Variants in CLPB observed in about 807,000 individuals in gnomAD.
The protein encoded by CLPB is mitochondrial disaggregase.
CLPB carries 40 observed loss-of-function variants against 78.4 expected under a neutral mutation model. That is an observed-to-expected ratio of 0.51 (90% CI 0.40 to 0.66). CLPB has a LOEUF of 0.66. Among genes scored for constraint, CLPB ranks in the 30% least tolerant of loss-of-function variants. CLPB has a pLI of 0.00. For synonymous variants in CLPB, 333 were observed against 348.0 expected (o/e 0.96, Z 0.48); for missense variants, 780 against 886.9 (o/e 0.88, Z 1.53).
At chr11:72,399,013 A>G (rs1855488992) in intron 3 of CLPB, among the ~76,000 whole-genome samples, 1 of 151,876 alleles carries the variant, frequency 6.6e-6, no homozygotes, top group African/African-American at 2.4e-5. Context: ...GACACCACAG[A>G]GTTTTTAAAT....
intron 10 of CLPB, 140 bp downstream of exon 10, chr11:72,302,164 G>C: frequency 3.0e-6 from 3 of 1,000,530 alleles, no homozygotes; most frequent in East Asian, 2.5e-5. Context: ...AAACAAATCA[G>C]TGACCCTGCT....
chr11:72,362,183 G>A (rs576455956), intron 4 of CLPB, among the ~76,000 whole-genome samples: 15 of 152,168 alleles, frequency 9.9e-5, no homozygotes, highest in African/African-American at 3.6e-4. Flanking sequence ...CCAATACAGC[G>A]CTAGGCCTCT....
intron 2 of CLPB, among the ~76,000 whole-genome samples, chr11:72,427,820 G>A (rs1335806365): frequency 6.6e-6 from 1 of 152,200 alleles, no homozygotes; most frequent in African/African-American, 2.4e-5. Flanking sequence ...ATGACTGTAT[G>A]TGTAAATTCA....
In CLPB at chr11:72,290,190, C is replaced by G. The variant is rs1949434815; in HGVS notation, c.*3177G>C. Reference sequence around the variant, plus strand: ...AGGAAGCCTGAAACATCTTGTGGTGCCAGAAAATGCTTAAAAAGTGACAGG... The same window carrying G: ...AGGAAGCCTGAAACATCTTGTGGTGGCAGAAAATGCTTAAAAAGTGACAGG... On this transcript the variant is annotated 3_prime_UTR_variant, in exon 16 of 16. Transcript: ENST00000538039. 2 of 152,102 alleles carry G rather than the reference C, an allele frequency of 1.3e-5. No homozygotes were observed. The highest frequency in any genetic ancestry group is 2.9e-5 in the Non-Finnish European group (2 of 68,012). 9.4% of individuals were successfully genotyped at this position (152,102 alleles called of 1,614,324 possible). A position where few individuals can be genotyped will look rare whatever the true frequency, so the allele number is the denominator to read the frequency against.
rs199805574 is a variant in CLPB, at chr11:72,329,695, C to T, written c.873+12G>A. Reference sequence around the variant, plus strand: ...GAGTACCCACAGGCCTCCTCCCTTCCCTGAGACTTACCTTGGCTTCAGAAG... The same window carrying T: ...GAGTACCCACAGGCCTCCTCCCTTCTCTGAGACTTACCTTGGCTTCAGAAG... On this transcript the variant is annotated intron_variant, in intron 6 of 15. Transcript: ENST00000538039. 50 of 1,601,154 alleles carry T rather than the reference C, an allele frequency of 3.1e-5. No individual in the cohort carries two copies. Among genetic ancestry groups the T allele is most frequent in the Non-Finnish European group, 4.2e-5 (49 of 1,168,508 alleles).
At chr11:72,400,657 A>G (rs540243389) in intron 3 of CLPB, among the ~76,000 whole-genome samples, 8 of 152,356 alleles carry the variant, frequency 5.3e-5, no homozygotes, top group African/African-American at 1.9e-4. Context: ...AAGCTGGGGG[A>G]AAAGACTGGT....
At chr11:72,389,122 G>A (rs1372846765) in intron 3 of CLPB, among the ~76,000 whole-genome samples, 1 of 152,216 alleles carries the variant, frequency 6.6e-6, no homozygotes, top group Non-Finnish European at 1.5e-5. Flanking sequence ...AAAAGCAGCA[G>A]CATCCAGGAG....
At chr11:72,388,674 A>G (rs1351769934) in intron 3 of CLPB, among the ~76,000 whole-genome samples, 1 of 152,188 alleles carries the variant, frequency 6.6e-6, no homozygotes, top group Non-Finnish European at 1.5e-5. Context: ...TATGGCCAGT[A>G]GGTTTTTTGT....
In CLPB at chr11:72,329,784, T is replaced by G. The variant is rs947202230; in HGVS notation, c.796A>C (p.Asn266His). The change falls in exon 6 of 16, where the codon AAT (asparagine) becomes CAT (histidine). Residue 266 changes from asparagine (N) to histidine (H), a missense_variant. By Grantham distance (68) the Asn-to-His change is moderately conservative. Transcript: ENST00000538039. ...TCCAAGGGTGTGTGTCCCATTTCAT[T>G]CCTCTGCAGGGGGTTGGCTCCTGGC... The part of the protein sequence containing the change: ...LDGGANPLQR[N>H]EMGHTPLDYA... The G allele has an allele frequency of 1.2e-6, 2 of 1,613,744 alleles. No individual in the cohort carries two copies. The highest frequency in any genetic ancestry group is 1.7e-6 in the Non-Finnish European group (2 of 1,179,880).
At position 72,327,115 on chromosome 11, in the gene CLPB, C is replaced by T. The variant is rs145061321; in HGVS notation, c.873+2592G>A. Among the ~76,000 whole-genome samples the T allele has an allele frequency of 4.9e-4, 75 of 152,340 alleles. 2 individuals are homozygous for T. The South Asian group carries it at 0.012, about 25-fold the overall frequency. On this transcript the variant is annotated intron_variant, in intron 6 of 15. Coordinates refer to ENST00000538039, the MANE Select transcript of CLPB (RefSeq NM_001258392.3). ...GAGAGCTAGGGAATCCCTGGACTGGCTCCAAGTGGTCTTCTTAGCCTCTAA... is the reference window on the plus strand; with the variant it reads ...GAGAGCTAGGGAATCCCTGGACTGGTTCCAAGTGGTCTTCTTAGCCTCTAA...
chr11:72,346,021 GA>G (rs59686118), intron 5 of CLPB, among the ~76,000 whole-genome samples: 2,620 of 152,292 alleles, frequency 0.017, 62 homozygotes, highest in African/African-American at 0.06. Flanking sequence ...CACTAAGGAA[GA>G]AGGACATATT....
chr11:72,329,676 C>T (rs1950187292), intron 6 of CLPB, 31 bp downstream of exon 6: 1 of 1,458,246 alleles, frequency 6.9e-7, no homozygotes, highest in South Asian at 1.1e-5. Flanking sequence ...CATGGAGTAC[C>T]CACAGGCCTC....
intron 15 of CLPB, 86 bp downstream of exon 15, chr11:72,293,936 G>A: frequency 8.5e-7 from 1 of 1,169,924 alleles, no homozygotes; most frequent in South Asian, 1.3e-5. Flanking sequence ...CTATAGGGAG[G>A]CAGGCTGAGA....
At position 72,290,476 on chromosome 11, in the gene CLPB, C is replaced by A. The variant is rs1949438085; in HGVS notation, c.*2891G>T. 6.6e-6 allele frequency: 1 copy of A among 152,076 alleles called. No individual in the cohort carries two copies. Among genetic ancestry groups the A allele is most frequent in the Non-Finnish European group, 1.5e-5 (1 of 68,016 alleles). 9.4% of individuals were successfully genotyped at this position (152,076 alleles called of 1,614,324 possible). ...CCATTAGGCAAGCATAACATTAATACCTGTTATAAGCAAGAATCATTGATG... is the reference window on the plus strand; with the variant it reads ...CCATTAGGCAAGCATAACATTAATAACTGTTATAAGCAAGAATCATTGATG... On this transcript the variant is annotated 3_prime_UTR_variant, in exon 16 of 16. Coordinates refer to ENST00000538039, the MANE Select transcript of CLPB (RefSeq NM_001258392.3).
chr11:72,395,971 A>G lies in CLPB; in HGVS notation c.542+6995T>C, dbSNP rs552845415. 1.1e-4 allele frequency among the ~76,000 whole-genome samples: 16 copies of G among 152,336 alleles called. No individual in the cohort carries two copies. In the South Asian group the frequency reaches 3.3e-3, roughly 32 times the overall value. On this transcript the variant is annotated intron_variant, in intron 3 of 15. Transcript: ENST00000538039. ...GGAAGGCCTTTAAAACCTCTTCTGT[A>G]GGACAGCAATCTGGCTTAGGCTATC...
intron 1 of CLPB, among the ~76,000 whole-genome samples, chr11:72,431,670 C>T (rs1423612000): frequency 6.6e-6 from 1 of 152,098 alleles, no homozygotes; most frequent in African/African-American, 2.4e-5. Context: ...GGGGATCAAG[C>T]CTTCCTTAGA....
intron 4 of CLPB, among the ~76,000 whole-genome samples, chr11:72,364,740 T>C (rs1316672293): frequency 6.6e-6 from 1 of 151,962 alleles, no homozygotes; most frequent in African/African-American, 2.4e-5. Context: ...GTGACCCCAG[T>C]ATGACTCCTC....
At chr11:72,294,255 C>A in intron 14 of CLPB, 70 bp downstream of exon 14, 1 of 1,612,788 alleles carries the variant, frequency 6.2e-7, no homozygotes, top group Non-Finnish European at 8.5e-7. Context: ...GTGGGGGTGC[C>A]CCCAGTCCAG....
At chr11:72,394,686 G>T (rs191931962) in intron 3 of CLPB, among the ~76,000 whole-genome samples, 1 of 152,210 alleles carries the variant, frequency 6.6e-6, no homozygotes, top group East Asian at 1.9e-4. Flanking sequence ...CTTGAGCAAC[G>T]ATTCCAAATG....
Sources: allele counts gnomAD v4.1 joint callset (sites outside exome capture counted in the v4.1 genomes callset), GRCh38; gene constraint gnomAD v4.1.1; transcripts MANE v1.5; gene names NCBI Gene and HGNC (gene_info 2026-07-23, HGNC 2026-07-21).